SLIT3: variants seen among roughly 807,000 people sequenced by gnomAD.
SLIT3 encodes the protein slit guidance ligand 3, also known as slit homolog 3 protein.
Under a neutral mutation model 184.0 loss-of-function variants are expected in SLIT3, and 68 were observed. That is an observed-to-expected ratio of 0.37 (90% CI 0.30 to 0.45). The LOEUF is 0.45. SLIT3 is among the 20% of genes least tolerant of loss of function. The pLI is 1.00. For missense variants in SLIT3, 1,707 were observed against 2,026.0 expected (o/e 0.84, Z 3.02); for synonymous variants, 831 against 828.6 (o/e 1.00, Z -0.05).
intron 4 of SLIT3, among the ~76,000 whole-genome samples, chr5:169,096,698 T>C (rs187984621): frequency 2.6e-5 from 4 of 152,344 alleles, no homozygotes; most frequent in African/African-American, 7.2e-5. Context: ...GCTACTGATA[T>C]ATATTGAGCC....
chr5:168,940,970 G>C (rs1762313498), intron 4 of SLIT3, among the ~76,000 whole-genome samples: 1 of 152,128 alleles, frequency 6.6e-6, no homozygotes, highest in Admixed American at 6.5e-5. Flanking sequence ...AGAAGCAAGG[G>C]AAACACAAGG....
chr5:168,867,733 C>T (rs534954382), intron 5 of SLIT3, among the ~76,000 whole-genome samples: 3 of 152,328 alleles, frequency 2.0e-5, no homozygotes, highest in Non-Finnish European at 4.4e-5. Flanking sequence ...TTCTTGATTG[C>T]CACGATTAGA....
chr5:168,814,199 C>T (rs988374654), intron 8 of SLIT3, among the ~76,000 whole-genome samples: 1 of 152,096 alleles, frequency 6.6e-6, no homozygotes, highest in Non-Finnish European at 1.5e-5. Context: ...GGTTTGAGAC[C>T]AGCCTGGCCA....
intron 3 of SLIT3, among the ~76,000 whole-genome samples, chr5:169,229,214 A>AT (rs72344992): frequency 0.075 from 11,313 of 150,512 alleles, 468 homozygotes; most frequent in South Asian, 0.11. Context: ...TCCTTCAGCT[A>AT]TTTTTTTTTT....
chr5:168,991,271 A>C (rs1035170318), intron 4 of SLIT3, among the ~76,000 whole-genome samples: 2 of 152,182 alleles, frequency 1.3e-5, no homozygotes, highest in Non-Finnish European at 2.9e-5. Flanking sequence ...AGCAAATTGT[A>C]GTTGTAATCC....
intron 7 of SLIT3, among the ~76,000 whole-genome samples, chr5:168,818,793 C>T (rs1319680296): frequency 6.6e-6 from 1 of 152,226 alleles, no homozygotes; most frequent in Non-Finnish European, 1.5e-5. Flanking sequence ...GCAGCTACCT[C>T]CTGCTGGATG....
intron 4 of SLIT3, among the ~76,000 whole-genome samples, chr5:169,043,124 C>CCTG (rs1757504331): frequency 6.6e-6 from 1 of 152,072 alleles, no homozygotes; most frequent in Non-Finnish European, 1.5e-5. Context: ...TCAAAACAGC[C>CCTG]CTGTAACCTA....
chr5:169,253,171 T>C (rs1765834784), intron 1 of SLIT3, among the ~76,000 whole-genome samples: 2 of 152,084 alleles, frequency 1.3e-5, no homozygotes, highest in Non-Finnish European at 2.9e-5. Context: ...CAGAAATCTG[T>C]ACACACTCCA....
intron 10 of SLIT3, among the ~76,000 whole-genome samples, chr5:168,795,041 A>T (rs1004319789): frequency 6.6e-6 from 1 of 152,194 alleles, no homozygotes; most frequent in Non-Finnish European, 1.5e-5. Flanking sequence ...TCACTGCTCT[A>T]TCCATAGATC....
chr5:169,211,721 T>TG (rs1027967928), intron 3 of SLIT3, among the ~76,000 whole-genome samples: 1 of 152,186 alleles, frequency 6.6e-6, no homozygotes, highest in African/African-American at 2.4e-5. Flanking sequence ...ACACGTGCCT[T>TG]GGGGGGTTCC....
intron 4 of SLIT3, among the ~76,000 whole-genome samples, chr5:169,177,642 C>A (rs760889968): frequency 3.9e-5 from 6 of 152,170 alleles, no homozygotes; most frequent in Non-Finnish European, 7.3e-5. Context: ...TTCTTAAATA[C>A]AAAGGCTCCT....
chr5:169,128,254 A>ATATATATACATATATATATT (rs1197877481), intron 4 of SLIT3, among the ~76,000 whole-genome samples: 1 of 146,454 alleles, frequency 6.8e-6, no homozygotes, highest in African/African-American at 2.5e-5. Flanking sequence ...ACACATTTAT[A>ATATATATACATATATATATT]TATATATACA....
rs576039064 is a variant in SLIT3 at position 168,741,535 on chromosome 5, G to A, written c.2270+6767C>T. On this transcript the variant is annotated intron_variant, in intron 20 of 35. Coordinates refer to ENST00000519560, the MANE Select transcript of SLIT3 (RefSeq NM_003062.4). ...ATTCAGAGAGGAATGCCTGCTACGGGTTAGTTGCTGTGCTTAACTCTGGAG... is the reference window on the plus strand; with the variant it reads ...ATTCAGAGAGGAATGCCTGCTACGGATTAGTTGCTGTGCTTAACTCTGGAG... Among the ~76,000 whole-genome samples the A allele has an allele frequency of 6.0e-5, 9 of 151,018 alleles. No individual in the cohort carries two copies. In the East Asian group the frequency reaches 1.8e-3, roughly 30 times the overall value.
At chr5:169,095,921 T>C (rs1759761421) in intron 4 of SLIT3, among the ~76,000 whole-genome samples, 1 of 152,222 alleles carries the variant, frequency 6.6e-6, no homozygotes, top group Non-Finnish European at 1.5e-5. Flanking sequence ...CATGAATGCA[T>C]TCTCCTGATC....
At position 169,079,135 on chromosome 5, in the gene SLIT3, C is replaced by T. The variant is rs61117368; in HGVS notation, c.413+114344G>A. Among the ~76,000 whole-genome samples, 25 of 152,172 alleles carry T rather than the reference C, an allele frequency of 1.6e-4. No homozygotes were observed. In the South Asian group the frequency reaches 2.5e-3, roughly 15 times the overall value. Reference sequence around the variant, plus strand: ...GCAGATCCTTGGCTACTCATCCTGCCGTATCTCAAGGCAATGAATCACTGA... The same window carrying T: ...GCAGATCCTTGGCTACTCATCCTGCTGTATCTCAAGGCAATGAATCACTGA... On this transcript the variant is annotated intron_variant, in intron 4 of 35. Transcript: ENST00000519560.
intron 4 of SLIT3, among the ~76,000 whole-genome samples, chr5:168,904,495 T>C (rs200487769): frequency 0.049 from 6,723 of 136,634 alleles, 208 homozygotes; most frequent in Middle Eastern, 0.1. Context: ...ATAACAATAA[T>C]AATAATAATA....
chr5:169,134,941 C>T (rs2112192), intron 4 of SLIT3, among the ~76,000 whole-genome samples: 91,830 of 152,076 alleles, frequency 0.6, 29,044 homozygotes, highest in African/African-American at 0.79. Context: ...GCACAGCTGT[C>T]TTGCTCACCA....
At chr5:168,942,726 T>C (rs1581231699) in intron 4 of SLIT3, among the ~76,000 whole-genome samples, 1 of 151,960 alleles carries the variant, frequency 6.6e-6, no homozygotes, top group Non-Finnish European at 1.5e-5. Context: ...GCATTAGACA[T>C]TGGCTGGTCT....
intron 4 of SLIT3, among the ~76,000 whole-genome samples, chr5:169,022,556 T>C (rs1409945454): frequency 6.6e-6 from 1 of 152,222 alleles, no homozygotes; most frequent in South Asian, 2.1e-4. Context: ...TCACCCACTA[T>C]GTATTTCCTA....
Sources: gnomAD v4.1 joint callset for allele counts (sites outside exome capture counted in the v4.1 genomes callset) on GRCh38, gnomAD v4.1.1 for gene constraint, MANE v1.5 for transcripts, NCBI Gene and HGNC (gene_info 2026-07-23, HGNC 2026-07-21) for gene names.